DLGAP2: variants seen among roughly 807,000 people sequenced by gnomAD.
The protein encoded by DLGAP2 is DLG associated protein 2.
In DLGAP2, 26 loss-of-function variants were observed where a neutral mutation model predicts 100.3. That is an observed-to-expected ratio of 0.26 (90% confidence interval 0.19 to 0.36). DLGAP2 has a LOEUF of 0.36. Ranked by LOEUF, DLGAP2 falls within the 10% of genes least tolerant of loss-of-function variation. The pLI is 1.00. For synonymous variants in DLGAP2, 886 were observed against 630.1 expected (o/e 1.41, Z -6.08); for missense variants, 1,858 against 1,453.2 (o/e 1.28, Z -4.53).
At chr8:1,213,442 C>G (rs531116456) in intron 2 of DLGAP2, among the ~76,000 whole-genome samples, 1 of 152,100 alleles carries the variant, frequency 6.6e-6, no homozygotes, top group African/African-American at 2.4e-5. Context: ...TTACATCATC[C>G]TTAATGTCCT....
chr8:1,639,790 T>G (rs1797854236), intron 8 of DLGAP2, among the ~76,000 whole-genome samples: 1 of 152,202 alleles, frequency 6.6e-6, no homozygotes, highest in Non-Finnish European at 1.5e-5. Flanking sequence ...TCTGCCGTCC[T>G]TGGCTGCGGG....
Position 960,392 on chromosome 8 carries a change from C to T in DLGAP2, c.73+52426C>T, listed in dbSNP as rs151266695. 2.7e-3 allele frequency among the ~76,000 whole-genome samples: 407 copies of T among 151,822 alleles called. 2 individuals are homozygous for T. The highest frequency in any genetic ancestry group is 9.2e-3 in the African/African-American group (380 of 41,354). ...CTGGGATTACAGGCAGGCACCACCA[C>T]GCCAGCTGTTTGTATTTTTAGTAGA... On this transcript the variant is annotated intron_variant, in intron 2 of 14. Transcript: ENST00000637795.
intron 1 of DLGAP2, among the ~76,000 whole-genome samples, chr8:842,282 T>C (rs1246669036): frequency 6.6e-6 from 1 of 152,250 alleles, no homozygotes; most frequent in Non-Finnish European, 1.5e-5. Context: ...TGTACGTTGC[T>C]GTCAGTTTTT....
At chr8:1,593,547 C>G (rs1014625401) in intron 6 of DLGAP2, among the ~76,000 whole-genome samples, 3 of 152,268 alleles carry the variant, frequency 2.0e-5, no homozygotes, top group South Asian at 4.1e-4. Context: ...CAAAACCAGA[C>G]TTACCAAAGA....
chr8:796,446 T>G (rs1050131634), intron 1 of DLGAP2, among the ~76,000 whole-genome samples: 1 of 152,094 alleles, frequency 6.6e-6, no homozygotes, highest in Non-Finnish European at 1.5e-5. Context: ...TTTGATGCTG[T>G]TCTGTAAAAT....
chr8:1,072,475 CA>C (rs1803464310), intron 2 of DLGAP2, among the ~76,000 whole-genome samples: 1 of 152,310 alleles, frequency 6.6e-6, no homozygotes, highest in South Asian at 2.1e-4. Context: ...GCAGAGTCCT[CA>C]TTCACGTTAT....
chr8:1,551,320 C>T (rs1300031022), intron 5 of DLGAP2, among the ~76,000 whole-genome samples: 1 of 152,188 alleles, frequency 6.6e-6, no homozygotes, highest in Admixed American at 6.5e-5. Context: ...TTGTCACAGA[C>T]ACATAGCTCT....
intron 3 of DLGAP2, among the ~76,000 whole-genome samples, chr8:1,432,782 G>A (rs905403574): frequency 3.3e-5 from 5 of 152,168 alleles, no homozygotes; most frequent in African/African-American, 9.7e-5. Context: ...GGTGATTCCC[G>A]CGATCGCGTG....
chr8:1,696,032 G>C (rs1799390476), intron 13 of DLGAP2, among the ~76,000 whole-genome samples: 1 of 152,222 alleles, frequency 6.6e-6, no homozygotes, highest in African/African-American at 2.4e-5. Context: ...TCCTGGCTCT[G>C]GGTGAGGAAT....
chr8:800,739 T>C (rs1234320063), intron 1 of DLGAP2, among the ~76,000 whole-genome samples: 1 of 152,188 alleles, frequency 6.6e-6, no homozygotes, highest in Non-Finnish European at 1.5e-5. Context: ...TGTGTATGTG[T>C]ATGTGCATGT....
intron 2 of DLGAP2, among the ~76,000 whole-genome samples, chr8:1,063,358 G>C (rs150567147): frequency 2.1e-4 from 32 of 152,126 alleles, no homozygotes; most frequent in African/African-American, 7.2e-4. Context: ...TTTTGACAAG[G>C]GTCTCTGCGA....
intron 3 of DLGAP2, among the ~76,000 whole-genome samples, chr8:1,382,017 C>T (rs969586424): frequency 7.2e-5 from 11 of 152,100 alleles, no homozygotes; most frequent in African/African-American, 2.4e-4. Context: ...AGTTGACCCT[C>T]ATAAAAAAGC....
At chr8:854,246 G>A (rs1797234484) in intron 1 of DLGAP2, among the ~76,000 whole-genome samples, 1 of 152,200 alleles carries the variant, frequency 6.6e-6, no homozygotes, top group African/African-American at 2.4e-5. Flanking sequence ...GCGCATTGCG[G>A]GGTTAGTGGG....
chr8:904,425 C>T (rs1240111101), intron 1 of DLGAP2, among the ~76,000 whole-genome samples: 10 of 152,160 alleles, frequency 6.6e-5, no homozygotes, highest in Non-Finnish European at 1.0e-4. Flanking sequence ...GAGGCTGAGG[C>T]AGAAGAATCA....
At chr8:1,029,580 C>G (rs1801916619) in intron 2 of DLGAP2, among the ~76,000 whole-genome samples, 1 of 131,204 alleles carries the variant, frequency 7.6e-6, no homozygotes, top group Non-Finnish European at 1.5e-5. Context: ...ATGGGATGGC[C>G]AAGGGCGTCC....
chr8:817,340 A>G (rs1325353109), intron 1 of DLGAP2, among the ~76,000 whole-genome samples: 2 of 152,050 alleles, frequency 1.3e-5, no homozygotes, highest in Non-Finnish European at 2.9e-5. Context: ...TATGCTATCT[A>G]TTTCACTGAA....
intron 3 of DLGAP2, among the ~76,000 whole-genome samples, chr8:1,361,146 G>A (rs987232477): frequency 3.9e-5 from 6 of 152,124 alleles, no homozygotes; most frequent in African/African-American, 1.4e-4. Context: ...ACTGCCTGGG[G>A]CCTCACCACA....
At chr8:1,344,541 C>T (rs1227141593) in intron 3 of DLGAP2, among the ~76,000 whole-genome samples, 1 of 152,168 alleles carries the variant, frequency 6.6e-6, no homozygotes, top group African/African-American at 2.4e-5. Context: ...CACATTTTCT[C>T]CATAAGGATG....
chr8:1,141,515 G>A (rs973049482), intron 2 of DLGAP2, among the ~76,000 whole-genome samples: 1 of 152,134 alleles, frequency 6.6e-6, no homozygotes, highest in Non-Finnish European at 1.5e-5. Context: ...GAATGTTGGT[G>A]TTGTGGTCAA....
Sources: allele counts gnomAD v4.1 joint callset (sites outside exome capture counted in the v4.1 genomes callset), GRCh38; gene constraint gnomAD v4.1.1; transcripts MANE v1.5; gene names NCBI Gene and HGNC (gene_info 2026-07-23, HGNC 2026-07-21).